Variants in HHAT observed in about 807,000 individuals in gnomAD.
HHAT encodes the protein protein-cysteine N-palmitoyltransferase HHAT.
In HHAT, 47 loss-of-function variants were observed where a neutral mutation model predicts 70.8. The observed-to-expected ratio is 0.66, with a 90% CI of 0.53 to 0.85. The LOEUF (loss-of-function observed/expected upper bound fraction) is 0.85. Ranked by LOEUF, HHAT falls within the 40% of genes least tolerant of loss-of-function variation. HHAT has a pLI of 0.00. For missense variants in HHAT, 609 were observed against 604.8 expected (o/e 1.01, Z -0.07); for synonymous variants, 228 against 247.6 (o/e 0.92, Z 0.74).
In HHAT at chr1:210,449,822, C is replaced by T. The variant is rs188457868; in HGVS notation, c.857-14683C>T. Among the ~76,000 whole-genome samples the T allele has an allele frequency of 2.4e-4, 36 of 152,262 alleles. No individual in the cohort carries two copies. In the East Asian group the frequency reaches 6.8e-3, roughly 29 times the overall value. On this transcript the variant is annotated intron_variant, in intron 7 of 11. Coordinates refer to ENST00000261458, the MANE Select transcript of HHAT (RefSeq NM_018194.6). ...AATTCACATCAGTTCATCAAAGTTTCATTAGGTCTCCATAAAGAAATTTCT... is the reference window on the plus strand; with the variant it reads ...AATTCACATCAGTTCATCAAAGTTTTATTAGGTCTCCATAAAGAAATTTCT...
chr1:210,601,050 C>A (rs1364234519), intron 10 of HHAT, among the ~76,000 whole-genome samples: 2 of 151,912 alleles, frequency 1.3e-5, no homozygotes, highest in African/African-American at 4.8e-5. Context: ...TGAAAACCAC[C>A]GAGAATCAGT....
intron 9 of HHAT, among the ~76,000 whole-genome samples, chr1:210,525,259 C>T (rs2095228585): frequency 6.6e-6 from 1 of 152,080 alleles, no homozygotes; most frequent in Non-Finnish European, 1.5e-5. Context: ...AAGGCTGGCT[C>T]ATTCTCTGGG....
intron 3 of HHAT, among the ~76,000 whole-genome samples, chr1:210,365,518 A>G (rs1332037924): frequency 6.6e-6 from 1 of 151,992 alleles, no homozygotes; most frequent in Admixed American, 6.6e-5. Context: ...GGGTTTCGCC[A>G]TATTAGCCAT....
intron 7 of HHAT, among the ~76,000 whole-genome samples, chr1:210,457,177 C>T (rs988756107): frequency 1.3e-4 from 20 of 152,194 alleles, no homozygotes; most frequent in African/African-American, 3.1e-4. Context: ...TCACCCCCGG[C>T]GGGGAGAGAA....
intron 8 of HHAT, among the ~76,000 whole-genome samples, chr1:210,471,384 C>T (rs751331824): frequency 6.6e-6 from 1 of 151,758 alleles, no homozygotes; most frequent in Non-Finnish European, 1.5e-5. Flanking sequence ...ATTATTTTAT[C>T]AGATGTTGTG....
At chr1:210,346,095 A>G (rs2086500753) in intron 1 of HHAT, among the ~76,000 whole-genome samples, 2 of 152,014 alleles carry the variant, frequency 1.3e-5, no homozygotes, top group Admixed American at 6.5e-5. Flanking sequence ...AGCAGCACCA[A>G]AATGAAAAAT....
At chr1:210,494,736 A>G (rs962348813) in intron 8 of HHAT, among the ~76,000 whole-genome samples, 7 of 150,644 alleles carry the variant, frequency 4.6e-5, no homozygotes, top group Non-Finnish European at 3.0e-5. Context: ...TGTTTTTGGT[A>G]GAGACAGGGT....
In HHAT at chr1:210,404,689, G is replaced by A. The variant is rs777815822; in HGVS notation, c.684+10G>A. 2.1e-5 allele frequency: 34 copies of A among 1,602,400 alleles called. No homozygotes were observed. The highest frequency in any genetic ancestry group is 2.8e-5 in the Non-Finnish European group (33 of 1,170,112). ...GGAGTTCATCAAACAGGTAGAGCCC[G>A]CTGGGGATGGGATTGGGATTCTATA... On this transcript the variant is annotated intron_variant, in intron 6 of 11. Transcript: ENST00000261458.
chr1:210,329,529 C>T, intron 1 of HHAT: 2 of 980,356 alleles, frequency 2.0e-6, no homozygotes, highest in Middle Eastern at 5.2e-4. Flanking sequence ...CAGTTTTCTT[C>T]CTCTGTTCTG....
At chr1:210,348,613 C>T (rs1189992782) in intron 1 of HHAT, among the ~76,000 whole-genome samples, 1 of 152,082 alleles carries the variant, frequency 6.6e-6, no homozygotes, top group Non-Finnish European at 1.5e-5. Flanking sequence ...ACAGAAGAGA[C>T]AGGCATATTA....
intron 3 of HHAT, among the ~76,000 whole-genome samples, chr1:210,364,437 TTA>T (rs2088687150): frequency 6.6e-6 from 1 of 152,224 alleles, no homozygotes; most frequent in African/African-American, 2.4e-5. Flanking sequence ...TTTTTTCCTT[TTA>T]GAGTTAAAAT....
At chr1:210,502,568 A>C (rs1374178427) in intron 8 of HHAT, among the ~76,000 whole-genome samples, 3 of 152,178 alleles carry the variant, frequency 2.0e-5, no homozygotes, top group African/African-American at 4.8e-5. Flanking sequence ...AAATCATTGA[A>C]TCATGCATTC....
At chr1:210,652,355 A>C (rs556009046) in intron 11 of HHAT, among the ~76,000 whole-genome samples, 1 of 152,316 alleles carries the variant, frequency 6.6e-6, no homozygotes, top group East Asian at 1.9e-4. Context: ...CCCCTTGCAG[A>C]GATTATGATG....
At chr1:210,532,209 A>C (rs1294100117) in intron 9 of HHAT, among the ~76,000 whole-genome samples, 1 of 152,212 alleles carries the variant, frequency 6.6e-6, no homozygotes, top group Non-Finnish European at 1.5e-5. Context: ...TAGATTTTTG[A>C]ACATTTTAAT....
intron 11 of HHAT, among the ~76,000 whole-genome samples, chr1:210,664,754 G>A (rs1678528739): frequency 6.6e-6 from 1 of 152,226 alleles, no homozygotes; most frequent in South Asian, 2.1e-4. Context: ...AACCACATGT[G>A]ACCCCTCTTT....
intron 7 of HHAT, among the ~76,000 whole-genome samples, chr1:210,421,256 A>G (rs1468697101): frequency 6.6e-6 from 1 of 152,178 alleles, no homozygotes; most frequent in Non-Finnish European, 1.5e-5. Flanking sequence ...TGTAGTAACC[A>G]AAACATCATG....
intron 8 of HHAT, among the ~76,000 whole-genome samples, chr1:210,501,613 G>C (rs2094755862): frequency 6.6e-6 from 1 of 152,214 alleles, no homozygotes; most frequent in Non-Finnish European, 1.5e-5. Flanking sequence ...TCTGCAATCT[G>C]CTGACGTCCA....
chr1:210,455,378 G>A (rs537299899), intron 7 of HHAT, among the ~76,000 whole-genome samples: 6 of 152,240 alleles, frequency 3.9e-5, no homozygotes, highest in African/African-American at 9.6e-5. Flanking sequence ...CTTTGCATAC[G>A]TTGTGCTCTT....
At chr1:210,621,875 A>G (rs1668904510) in intron 10 of HHAT, among the ~76,000 whole-genome samples, 1 of 152,318 alleles carries the variant, frequency 6.6e-6, no homozygotes, top group South Asian at 2.1e-4. Flanking sequence ...AGCAGGCCAC[A>G]CTTGCGTCTG....
Sources: gnomAD v4.1 joint callset for allele counts (sites outside exome capture counted in the v4.1 genomes callset) on GRCh38, gnomAD v4.1.1 for gene constraint, MANE v1.5 for transcripts, NCBI Gene and HGNC (gene_info 2026-07-23, HGNC 2026-07-21) for gene names.